Variants in ZNF746 observed in about 807,000 individuals in gnomAD.
The protein encoded by ZNF746 is parkin-interacting substrate.
Under a neutral mutation model 41.0 loss-of-function variants are expected in ZNF746, and 13 were observed. The observed-to-expected ratio is 0.32, with a 90% CI of 0.21 to 0.50. The LOEUF (loss-of-function observed/expected upper bound fraction) is 0.50, where lower values mean the gene tolerates loss of function less well. Among genes scored for constraint, ZNF746 ranks in the 20% least tolerant of loss-of-function variants. The pLI is 0.98. For synonymous variants in ZNF746, 424 were observed against 396.2 expected (o/e 1.07, Z -0.83); for missense variants, 811 against 922.9 (o/e 0.88, Z 1.57).
intron 4 of ZNF746, among the ~76,000 whole-genome samples, chr7:149,485,529 T>C (rs1255015403): frequency 1.3e-5 from 2 of 152,168 alleles, no homozygotes; most frequent in African/African-American, 4.8e-5. Context: ...AAACCTTTAG[T>C]AGGAAATATG....
chr7:149,490,171 GT>G (rs1800754757), intron 4 of ZNF746: 1 of 152,796 alleles, frequency 6.5e-6, no homozygotes, highest in African/African-American at 2.4e-5. Context: ...GGAGAGGGCT[GT>G]GTGAGTGGTG....
At chr7:149,491,597 G>A (rs1800809824) in intron 4 of ZNF746, 3 of 446,826 alleles carry the variant, frequency 6.7e-6, no homozygotes, top group Non-Finnish European at 1.2e-5. Context: ...GATGACGACT[G>A]GCAAAGCGGC....
intron 6 of ZNF746, among the ~76,000 whole-genome samples, chr7:149,476,423 T>G (rs1563249080): frequency 6.6e-6 from 1 of 150,948 alleles, no homozygotes; most frequent in African/African-American, 2.4e-5. Flanking sequence ...TATTAGCACG[T>G]TTTTTGGGTG....
rs61748863 is a variant in ZNF746 at position 149,477,626 on chromosome 7, T to G, written c.695A>C (p.Glu232Ala). The G allele has an allele frequency of 4.2e-4, 678 of 1,613,964 alleles. 2 individuals are homozygous for G. The African/African-American group carries it at 8.2e-3, about 20-fold the overall frequency. The change falls in exon 5 of 7, where the codon GAG (glutamate) becomes GCG (alanine). Residue 232 changes from glutamate to alanine, a missense_variant. Physicochemically the swap from Glu to Ala is moderately radical, Grantham distance 107 (BLOSUM62 -1). This residue lies in a region of ZNF746 where 495 missense variants were observed against 481.6 expected (regional missense o/e 1.03). Transcript: ENST00000458143. Reference sequence around the variant, plus strand: ...ATCCAGCTGGCTGAGGCCCCAGGGCTCCTCCCCAATATCTGGCTGCCCGGC... The same window carrying G: ...ATCCAGCTGGCTGAGGCCCCAGGGCGCCTCCCCAATATCTGGCTGCCCGGC... ...WAAGQPDIGE[E>A]PWGLSQLDSG... is the part of the protein sequence containing the mutation.
In ZNF746 at chr7:149,474,099, T is replaced by C; in HGVS notation, c.*285A>G. 2.2e-6 allele frequency: 1 copy of C among 462,548 alleles called. No homozygotes were observed. The highest frequency in any genetic ancestry group is 3.9e-6 in the Non-Finnish European group (1 of 256,294). The allele number at this position is 462,548 out of a possible 1,614,324, so 28.7% of individuals were successfully genotyped here. On this transcript the variant is annotated 3_prime_UTR_variant, in exon 7 of 7. Transcript: ENST00000458143. This position sits in a 1 kb window ranked among gnomAD's most constrained non-coding sequence, Gnocchi z 6.3. ...TAGCCCTATTACTATTTTCCAGCTT[T>C]TTCCTCAAGAATTAAAAAAAAACAA...
chr7:149,477,551 C>T lies in ZNF746; in HGVS notation c.757+13G>A. 6.3e-7 allele frequency: 1 copy of T among 1,591,224 alleles called. No homozygotes were observed. Among genetic ancestry groups the T allele is most frequent in the Non-Finnish European group, 8.6e-7 (1 of 1,164,122 alleles). On this transcript the variant is annotated intron_variant, in intron 5 of 6. Coordinates refer to ENST00000458143, the MANE Select transcript of ZNF746 (RefSeq NM_001394198.1). The stretch of plus-strand genomic sequence containing the variant: ...TGCAACTTGTTCCTTATGTCCCCGT[C>T]TCAGCCACTTACCAGAGGTGGCATC...
Position 149,474,666 on chromosome 7 carries a change from G to A in ZNF746, c.1701C>T (p.Ser567=), listed in dbSNP as rs1800222390. The A allele has an allele frequency of 1.9e-6, 3 of 1,613,352 alleles. No individual in the cohort carries two copies. Among genetic ancestry groups the A allele is most frequent in the East Asian group, 4.5e-5 (2 of 44,830 alleles). Residue 567 remains serine (S), a synonymous_variant, in exon 7 of 7, where the codon TCC becomes TCT. Coordinates refer to ENST00000458143, the MANE Select transcript of ZNF746 (RefSeq NM_001394198.1). This position sits in a 1 kb window ranked among gnomAD's most constrained non-coding sequence, Gnocchi z 6.3. ...TECEKRFTER[S]KLIDHYRTHT... Reference sequence around the variant, plus strand: ...GCGTTCGGTAGTGGTCGATGAGCTTGGAGCGTTCGGTGAAGCGCTTCTCAC... The same window carrying A: ...GCGTTCGGTAGTGGTCGATGAGCTTAGAGCGTTCGGTGAAGCGCTTCTCAC...
chr7:149,477,845 G>GC, intron 4 of ZNF746, 90 bp from the exon 5 acceptor site: 3 of 1,145,738 alleles, frequency 2.6e-6, no homozygotes, highest in Non-Finnish European at 3.6e-6. Flanking sequence ...AGACACAGGG[G>GC]CCTTACAAGG....
chr7:149,491,717 T>C (rs58894762), intron 4 of ZNF746: 142,490 of 596,268 alleles, frequency 0.24, 17,830 homozygotes, highest in Middle Eastern at 0.35. Context: ...GGAGGGCCTC[T>C]GCGGACCACC....
intron 4 of ZNF746, among the ~76,000 whole-genome samples, chr7:149,492,263 A>ATTG (rs1651007686): frequency 6.6e-6 from 1 of 152,218 alleles, no homozygotes. Context: ...GAAGAAGACA[A>ATTG]TGAGGAGGAT....
Position 149,494,339 on chromosome 7 carries a change from C to T in ZNF746, c.189G>A (p.Lys63=). The T allele has an allele frequency of 6.2e-7, 1 of 1,614,054 alleles. No homozygotes were observed. ...AVEFGNQLEG[K]WAVLGTLLQE... ...GCAGCAGGGTCCCCAGCACGGCCCA[C>T]TTGCCCTCCAGCTGGTTCCCGAACT... Residue 63 remains lysine (K), a synonymous_variant, in exon 2 of 7, where the codon AAG becomes AAA. Coordinates refer to ENST00000458143, the MANE Select transcript of ZNF746 (RefSeq NM_001394198.1). The surrounding 1 kb of genome is among the most constrained non-coding windows in gnomAD (Gnocchi z 5.6).
intron 1 of ZNF746, among the ~76,000 whole-genome samples, chr7:149,496,333 C>A (rs573994355): frequency 1.1e-4 from 17 of 152,322 alleles, no homozygotes; most frequent in African/African-American, 4.1e-4. Context: ...TCCAGCCCAG[C>A]TTCTTACTGA....
In ZNF746 at chr7:149,474,862, C is replaced by A; in HGVS notation, c.1505G>T (p.Gly502Val). ...GCCGCCACTGCCGCTGCCGCCACCGCCTGTGCCCGGGCCCGACCCGTCGGG... is the reference window on the plus strand; with the variant it reads ...GCCGCCACTGCCGCTGCCGCCACCGACTGTGCCCGGGCCCGACCCGTCGGG... ...GAPDGSGPGT[G>V]GGGSGSGGGG... is the part of the protein sequence containing the mutation. The change falls in exon 7 of 7, where the codon GGC becomes GTC. Residue 502 changes from glycine to valine, a missense_variant. Coordinates refer to ENST00000458143, the MANE Select transcript of ZNF746 (RefSeq NM_001394198.1). This position sits in a 1 kb window ranked among gnomAD's most constrained non-coding sequence, Gnocchi z 6.3. 6.8e-7 allele frequency: 1 copy of A among 1,468,730 alleles called. No homozygotes were observed. The allele number at this position is 1,468,730 out of a possible 1,614,324, so 91.0% of individuals were successfully genotyped here. A position where few individuals can be genotyped will look rare whatever the true frequency, so the allele number is the denominator to read the frequency against.
In ZNF746 at chr7:149,497,498, G is replaced by A. The variant is rs956336446; in HGVS notation, c.24+15C>T. The A allele has an allele frequency of 1.0e-5, 11 of 1,096,476 alleles. No individual in the cohort carries two copies. In the East Asian group the frequency reaches 1.9e-4, roughly 19 times the overall value. 67.9% of individuals were successfully genotyped at this position (1,096,476 alleles called of 1,614,324 possible). A position where few individuals can be genotyped will look rare whatever the true frequency, so the allele number is the denominator to read the frequency against. On this transcript the variant is annotated intron_variant, in intron 1 of 6. Transcript: ENST00000458143. The surrounding 1 kb of genome is among the most constrained non-coding windows in gnomAD (Gnocchi z 4.2). ...CCCCAGGCCGCGAGTCCCTGCGCGC[G>A]CGGGTCGCCCTTACCGGAGCCGCGA...
chr7:149,479,914 A>G (rs1362241304), intron 4 of ZNF746, among the ~76,000 whole-genome samples: 1 of 152,156 alleles, frequency 6.6e-6, no homozygotes, highest in Non-Finnish European at 1.5e-5. Context: ...AAACAAACAA[A>G]AAAAGCCAGC....
rs768990478 is a variant in ZNF746, at chr7:149,474,490, G to T, written c.1877C>A (p.Pro626His). Residue 626 changes from proline (P) to histidine (H), a missense_variant, in exon 7 of 7, where the codon CCC (proline) becomes CAC (histidine). By Grantham distance (77) the Pro-to-His change is moderately conservative (BLOSUM62 -2). Transcript: ENST00000458143. The surrounding 1 kb of genome is among the most constrained non-coding windows in gnomAD (Gnocchi z 6.3). ...TCCTTTGGAGGCGGGGCTCTTGAAG[G>T]GATCAGGAGGTGCGGGCGGCGTCGG... The part of the protein sequence containing the change: ...PLPTPPAPPD[P>H]FKSPASKGPL... 1.9e-6 allele frequency: 3 copies of T among 1,610,578 alleles called. No individual in the cohort carries two copies. The highest frequency in any genetic ancestry group is 2.5e-6 in the Non-Finnish European group (3 of 1,178,492).
intron 4 of ZNF746, among the ~76,000 whole-genome samples, chr7:149,485,566 T>C (rs142950589): frequency 4.6e-5 from 7 of 152,248 alleles, no homozygotes; most frequent in East Asian, 1.9e-4. Flanking sequence ...TACTACAACA[T>C]TGAAGAACGT....
At chr7:149,487,650 A>T (rs556797750) in intron 4 of ZNF746, 1 of 152,234 alleles carries the variant, frequency 6.6e-6, no homozygotes, top group Non-Finnish European at 1.5e-5. Flanking sequence ...TAATAAACAA[A>T]AGTCAACAGC....
intron 5 of ZNF746, among the ~76,000 whole-genome samples, chr7:149,477,307 G>A (rs1014231000): frequency 6.6e-6 from 1 of 152,182 alleles, no homozygotes; most frequent in Non-Finnish European, 1.5e-5. Flanking sequence ...CAATGCTGGG[G>A]CAAGAGAAGC....
Sources: allele counts gnomAD v4.1 joint callset (sites outside exome capture counted in the v4.1 genomes callset), GRCh38; gene constraint gnomAD v4.1.1; regional missense constraint gnomAD v4.1.1; non-coding constraint Gnocchi (gnomAD v3.1); transcripts MANE v1.5; gene names NCBI Gene and HGNC (gene_info 2026-07-23, HGNC 2026-07-21).